The following OSBPL10 variants were observed in gnomAD, a reference collection of about 807,000 sequenced individuals.
The protein encoded by OSBPL10 is oxysterol-binding protein-related protein 10.
Under a neutral mutation model 81.7 loss-of-function variants are expected in OSBPL10, and 49 were observed. The ratio of observed to expected loss-of-function variants is 0.60; its 90% CI spans 0.48 to 0.76. The LOEUF (loss-of-function observed/expected upper bound fraction) is 0.76, where lower values mean the gene tolerates loss of function less well. OSBPL10 is among the 30% of genes least tolerant of loss of function. The pLI, the probability that OSBPL10 is intolerant of heterozygous loss-of-function variation, is 0.00. For missense variants in OSBPL10, 923 were observed against 987.8 expected (o/e 0.93, Z 0.88); for synonymous variants, 419 against 383.6 (o/e 1.09, Z -1.08).
At chr3:31,746,971 T>TAAG (rs1302639090) in intron 5 of OSBPL10, among the ~76,000 whole-genome samples, 1 of 151,810 alleles carries the variant, frequency 6.6e-6, no homozygotes. Flanking sequence ...ACTTAAAGCA[T>TAAG]AATAATAATA....
chr3:31,761,827 A>AAAAAAAAAAAAAAAAAAAAAAAAAAAC (rs996116489), intron 4 of OSBPL10, among the ~76,000 whole-genome samples: 2 of 149,434 alleles, frequency 1.3e-5, no homozygotes, highest in African/African-American at 5.1e-5. Flanking sequence ...AAAAAAAAAA[A>AAAAAAAAAAAAAAAAAAAAAAAAAAAC]AAAACCCTAA....
At position 31,840,337 on chromosome 3, in the gene OSBPL10, C is replaced by T. The variant is rs115566016; in HGVS notation, c.538-10106G>A. On this transcript the variant is annotated intron_variant, in intron 3 of 11. Transcript: ENST00000396556. ...TCAATAACTAATCTCTGACAGAGCA[C>T]TCCTGTCTACTAAGAGATCATTATC... is the stretch of plus-strand genomic sequence containing the variant. Among the ~76,000 whole-genome samples, 556 of 152,334 alleles carry T rather than the reference C, an allele frequency of 3.6e-3. 1 individual carries two copies. Among genetic ancestry groups the T allele is most frequent in the African/African-American group, 0.013 (527 of 41,572 alleles).
chr3:32,031,997 T>G (rs1164971624), intron 2 of OSBPL10, among the ~76,000 whole-genome samples: 1 of 152,182 alleles, frequency 6.6e-6, no homozygotes, highest in African/African-American at 2.4e-5. Flanking sequence ...TTTGAAATCT[T>G]AAGGCTGACC....
At chr3:31,965,231 G>C (rs970742401) in intron 1 of OSBPL10, among the ~76,000 whole-genome samples, 4 of 150,412 alleles carry the variant, frequency 2.7e-5, no homozygotes, top group Non-Finnish European at 4.4e-5. Flanking sequence ...TTAGCCGGGC[G>C]TGGTGGTGGG....
At chr3:32,041,462 T>C (rs28735098) in intron 2 of OSBPL10, among the ~76,000 whole-genome samples, 7,074 of 152,160 alleles carry the variant, frequency 0.046, 538 homozygotes, top group African/African-American at 0.16. Flanking sequence ...AAACACCCCG[T>C]GAGGTCTCTG....
intron 3 of OSBPL10, among the ~76,000 whole-genome samples, chr3:31,869,853 C>T (rs965771952): frequency 6.6e-6 from 1 of 152,228 alleles, no homozygotes; most frequent in Non-Finnish European, 1.5e-5. Context: ...ATGGATGAAG[C>T]TCACACTAGT....
intron 1 of OSBPL10, among the ~76,000 whole-genome samples, chr3:31,945,469 T>C (rs1476416441): frequency 6.6e-6 from 1 of 152,236 alleles, no homozygotes; most frequent in East Asian, 1.9e-4. Context: ...GGTTTGTTCA[T>C]TGTTTTTATT....
chr3:31,967,606 T>C (rs987974838), intron 1 of OSBPL10, among the ~76,000 whole-genome samples: 2 of 152,206 alleles, frequency 1.3e-5, no homozygotes, highest in African/African-American at 2.4e-5. Flanking sequence ...ACAGTTGACA[T>C]TTATATTACG....
intron 1 of OSBPL10, among the ~76,000 whole-genome samples, chr3:31,955,086 T>G (rs547739026): frequency 1.3e-5 from 2 of 152,344 alleles, no homozygotes; most frequent in South Asian, 4.1e-4. Flanking sequence ...GTAAGCTAAT[T>G]GCTAAGAAAA....
chr3:32,028,156 G>A (rs1699433985), intron 2 of OSBPL10, among the ~76,000 whole-genome samples: 1 of 152,124 alleles, frequency 6.6e-6, no homozygotes, highest in Non-Finnish European at 1.5e-5. Context: ...AAAGGAGGAG[G>A]ACATACACAT....
intron 4 of OSBPL10, among the ~76,000 whole-genome samples, chr3:31,782,378 CAA>C (rs1463700677): frequency 1.3e-5 from 2 of 152,060 alleles, no homozygotes; most frequent in African/African-American, 2.4e-5. Context: ...TTAGCTTAGG[CAA>C]AGAGTTCATT....
At chr3:31,790,020 T>G (rs1406168259) in intron 4 of OSBPL10, among the ~76,000 whole-genome samples, 1 of 152,156 alleles carries the variant, frequency 6.6e-6, no homozygotes, top group African/African-American at 2.4e-5. Context: ...AGAACATGAT[T>G]TTAAAGATGA....
At chr3:31,690,317 G>A (rs571630927) in intron 7 of OSBPL10, among the ~76,000 whole-genome samples, 18 of 152,064 alleles carry the variant, frequency 1.2e-4, no homozygotes, top group African/African-American at 3.9e-4. Context: ...CTTCCCCTTC[G>A]CCTTCTGCCA....
At chr3:31,812,716 A>AAAGAAAGAAAG (rs1239795315) in intron 4 of OSBPL10, among the ~76,000 whole-genome samples, 1 of 54,112 alleles carries the variant, frequency 1.8e-5, no homozygotes, top group East Asian at 2.3e-3. Flanking sequence ...AGTAGGCAAA[A>AAAGAAAGAAAG]AAAAAGAAAG....
chr3:31,826,735 A>G (rs1575569587), intron 4 of OSBPL10, among the ~76,000 whole-genome samples: 1 of 152,240 alleles, frequency 6.6e-6, no homozygotes, highest in Admixed American at 6.5e-5. Context: ...TCTGAAATTA[A>G]TAACTGCGGA....
intron 1 of OSBPL10, among the ~76,000 whole-genome samples, chr3:31,888,617 C>T (rs1359909771): frequency 2.0e-5 from 3 of 151,892 alleles, no homozygotes; most frequent in South Asian, 2.1e-4. Context: ...CAAACAACAG[C>T]GAAAAAAAAC....
chr3:31,782,970 A>T (rs1698735865), intron 4 of OSBPL10, among the ~76,000 whole-genome samples: 1 of 152,104 alleles, frequency 6.6e-6, no homozygotes, highest in Admixed American at 6.6e-5. Flanking sequence ...TCATTACATG[A>T]AAAAGACACT....
rs375702495 is a variant in OSBPL10 at position 32,039,858 on chromosome 3, TA to T, written n.298+6632del. On this transcript the variant is annotated intron_variant and non_coding_transcript_variant, in intron 2 of 3. Coordinates refer to the OSBPL10 transcript ENST00000479173. Reference sequence around the variant, plus strand: ...GAAGATGGAAACTTATGAAGCTGACTAATCATAATCCTTTTACCAAAGCCTG... The same window carrying T: ...GAAGATGGAAACTTATGAAGCTGACTATCATAATCCTTTTACCAAAGCCTG... Among the ~76,000 whole-genome samples the T allele has an allele frequency of 4.7e-3, 719 of 152,256 alleles. 4 individuals carry two copies. Among genetic ancestry groups the T allele is most frequent in the South Asian group, 0.017 (83 of 4,822 alleles).
chr3:31,876,483 C>A lies in OSBPL10; in HGVS notation c.487G>T (p.Val163Leu). ...AADAKEKQFW[V>L]TQLRACAKYH... ...TTGGCACAAGCTCGAAGCTGAGTCA[C>A]CCAGAATTGTTTCTCTTTTGCATCA... The change falls in exon 3 of 12, where the codon GTG becomes TTG. Residue 163 changes from valine (V) to leucine (L), a missense_variant. By Grantham distance (32) the Val-to-Leu change is conservative (BLOSUM62 1). Coordinates refer to ENST00000396556, the MANE Select transcript of OSBPL10 (RefSeq NM_017784.5). 6.2e-7 allele frequency: 1 copy of A among 1,613,588 alleles called. No individual in the cohort carries two copies. Among genetic ancestry groups the A allele is most frequent in the East Asian group, 2.2e-5 (1 of 44,872 alleles).
Sources: gnomAD v4.1 joint callset for allele counts (sites outside exome capture counted in the v4.1 genomes callset) on GRCh38, gnomAD v4.1.1 for gene constraint, MANE v1.5 for transcripts, NCBI Gene and HGNC (gene_info 2026-07-23, HGNC 2026-07-21) for gene names.